The following PTPN12 variants were observed in gnomAD, a reference collection of about 807,000 sequenced individuals.
The protein encoded by PTPN12 is protein tyrosine phosphatase non-receptor type 12.
PTPN12 carries 29 observed loss-of-function variants against 97.6 expected under a neutral mutation model. That is an observed-to-expected ratio of 0.30 (90% confidence interval 0.22 to 0.41). The LOEUF (loss-of-function observed/expected upper bound fraction) is 0.41. PTPN12 is among the 10% of genes least tolerant of loss of function. The pLI is 1.00. For missense variants in PTPN12, 819 were observed against 926.0 expected (o/e 0.88, Z 1.50); for synonymous variants, 327 against 300.4 (o/e 1.09, Z -0.91).
chr7:77,604,454 A>G (rs1450508872), intron 8 of PTPN12, among the ~76,000 whole-genome samples: 1 of 150,212 alleles, frequency 6.7e-6, no homozygotes, highest in Non-Finnish European at 1.5e-5. Context: ...ACCTCAGGTG[A>G]TCACCTGCCT....
chr7:77,572,689 G>C (rs1329583469), intron 2 of PTPN12, among the ~76,000 whole-genome samples: 1 of 152,122 alleles, frequency 6.6e-6, no homozygotes, highest in East Asian at 1.9e-4. Context: ...TATGACCTTG[G>C]ACTGATCCTC....
intron 11 of PTPN12, among the ~76,000 whole-genome samples, chr7:77,611,744 T>TC (rs1362766622): frequency 7.2e-5 from 11 of 152,158 alleles, no homozygotes; most frequent in Non-Finnish European, 1.5e-4. Context: ...GAGCCAACAC[T>TC]CCTGGCCTTG....
intron 13 of PTPN12, 45 bp downstream of exon 13, chr7:77,627,720 A>C: frequency 6.8e-7 from 1 of 1,477,624 alleles, no homozygotes; most frequent in Non-Finnish European, 9.0e-7. Context: ...CCTATGTGCT[A>C]GTCACTGTTT....
At chr7:77,553,788 T>A (rs1807579606) in intron 1 of PTPN12, among the ~76,000 whole-genome samples, 1 of 152,200 alleles carries the variant, frequency 6.6e-6, no homozygotes, top group African/African-American at 2.4e-5. Flanking sequence ...TGATTACTGA[T>A]AGCATTGGAT....
chr7:77,547,214 C>T (rs895790946), intron 1 of PTPN12, among the ~76,000 whole-genome samples: 1 of 152,094 alleles, frequency 6.6e-6, no homozygotes, highest in Non-Finnish European at 1.5e-5. Flanking sequence ...TATGGAGATA[C>T]CTGAGTGCCC....
At chr7:77,558,914 T>C (rs186628256) in intron 1 of PTPN12, among the ~76,000 whole-genome samples, 45 of 152,304 alleles carry the variant, frequency 3.0e-4, no homozygotes, top group Non-Finnish European at 7.3e-5. Context: ...TTTGGGAAGC[T>C]GAGGCAGGCA....
intron 1 of PTPN12, among the ~76,000 whole-genome samples, chr7:77,552,462 CTCA>C (rs1562706846): frequency 6.6e-6 from 1 of 151,990 alleles, no homozygotes; most frequent in Admixed American, 6.6e-5. Flanking sequence ...CTAAAATGAC[CTCA>C]TCATTTATTT....
chr7:77,635,333 A>T (rs1350647991), intron 14 of PTPN12, among the ~76,000 whole-genome samples: 1 of 152,200 alleles, frequency 6.6e-6, no homozygotes, highest in Non-Finnish European at 1.5e-5. Context: ...AGAAGCTGAG[A>T]TGGGAAGATT....
At chr7:77,586,917 T>C (rs1562730386) in intron 5 of PTPN12, among the ~76,000 whole-genome samples, 1 of 152,222 alleles carries the variant, frequency 6.6e-6, no homozygotes, top group Non-Finnish European at 1.5e-5. Flanking sequence ...TTCCAGGTTT[T>C]ATCATGAGAT....
chr7:77,629,563 T>A (rs528426491), intron 13 of PTPN12, among the ~76,000 whole-genome samples: 21 of 151,968 alleles, frequency 1.4e-4, no homozygotes, highest in African/African-American at 4.8e-4. Context: ...GCTTTTTTTT[T>A]TAAAAAAAAC....
At chr7:77,538,196 A>G in intron 1 of PTPN12, 1 of 634,420 alleles carries the variant, frequency 1.6e-6, no homozygotes, top group Non-Finnish European at 2.0e-6. Flanking sequence ...CGCAGTCATG[A>G]TCTCCAACGC....
chr7:77,570,689 G>A (rs918648737), intron 1 of PTPN12, among the ~76,000 whole-genome samples: 1 of 152,212 alleles, frequency 6.6e-6, no homozygotes, highest in Non-Finnish European at 1.5e-5. Context: ...TCATGGGTGC[G>A]TGCTCATGGT....
At chr7:77,615,153 C>T (rs1006485876) in intron 11 of PTPN12, among the ~76,000 whole-genome samples, 1 of 152,144 alleles carries the variant, frequency 6.6e-6, no homozygotes, top group African/African-American at 2.4e-5. Flanking sequence ...GTACTGTCAA[C>T]ACCAGTATTT....
At chr7:77,608,330 A>G (rs1663729445) in intron 9 of PTPN12, among the ~76,000 whole-genome samples, 1 of 152,196 alleles carries the variant, frequency 6.6e-6, no homozygotes, top group Non-Finnish European at 1.5e-5. Context: ...TATGTGGTAA[A>G]TTGTAAGTAC....
At chr7:77,625,487 C>CTCTCTCTCTT (rs1300643968) in intron 12 of PTPN12, among the ~76,000 whole-genome samples, 37 of 97,774 alleles carry the variant, frequency 3.8e-4, no homozygotes, top group Non-Finnish European at 6.8e-4. Flanking sequence ...CTCTCTCTCT[C>CTCTCTCTCTT]TCTCTCTCTC....
chr7:77,620,689 C>T (rs2151386481), intron 12 of PTPN12, among the ~76,000 whole-genome samples: 1 of 152,350 alleles, frequency 6.6e-6, no homozygotes. Flanking sequence ...GTGGCTCACG[C>T]CTGTAATCCC....
chr7:77,631,981 T>C (rs187369617), intron 13 of PTPN12, among the ~76,000 whole-genome samples: 8 of 152,296 alleles, frequency 5.3e-5, no homozygotes, highest in African/African-American at 1.9e-4. Flanking sequence ...AACACTGGCT[T>C]AGGCGTTTCA....
At chr7:77,608,982 G>A (rs562377060) in intron 9 of PTPN12, among the ~76,000 whole-genome samples, 1 of 152,312 alleles carries the variant, frequency 6.6e-6, no homozygotes, top group Admixed American at 6.5e-5. Flanking sequence ...CACTTTTGAA[G>A]GCTGAGGTGG....
intron 2 of PTPN12, 59 bp from the exon 3 acceptor site, chr7:77,581,368 C>G (rs1289716821): frequency 4.3e-6 from 5 of 1,167,306 alleles, no homozygotes; most frequent in Non-Finnish European, 6.3e-6. Context: ...CTTACTTACG[C>G]TTCATTAGAA....
Sources: allele counts gnomAD v4.1 joint callset (sites outside exome capture counted in the v4.1 genomes callset), GRCh38; gene constraint gnomAD v4.1.1; transcripts MANE v1.5; gene names NCBI Gene and HGNC (gene_info 2026-07-23, HGNC 2026-07-21).